CSGALNACT1: variants seen among roughly 807,000 people sequenced by gnomAD.
The protein encoded by CSGALNACT1 is beta4GalNAcT-1.
Under a neutral mutation model 51.0 loss-of-function variants are expected in CSGALNACT1, and 52 were observed. The observed-to-expected ratio is 1.02, with a 90% CI of 0.82 to 1.29. The LOEUF (loss-of-function observed/expected upper bound fraction) is 1.29, where lower values mean the gene tolerates loss of function less well. CSGALNACT1 is among the 50% of genes most tolerant of loss of function. The pLI is 0.00. For synonymous variants in CSGALNACT1, 341 were observed against 254.4 expected (o/e 1.34, Z -3.24); for missense variants, 935 against 679.2 (o/e 1.38, Z -4.19).
chr8:19,683,123 C>T (rs989441998), upstream of CSGALNACT1: 1 of 215,458 alleles, frequency 4.6e-6, no homozygotes. Flanking sequence ...AATGTCAGAT[C>T]AGGTGTTAGG....
At chr8:19,521,995 A>G (rs2080821468) in intron 3 of CSGALNACT1, among the ~76,000 whole-genome samples, 2 of 152,172 alleles carry the variant, frequency 1.3e-5, no homozygotes, top group South Asian at 2.1e-4. Flanking sequence ...CTAGCAGTCA[A>G]TGCAGTGGTT....
chr8:19,437,145 G>C (rs1423620241), intron 6 of CSGALNACT1, among the ~76,000 whole-genome samples: 7 of 152,030 alleles, frequency 4.6e-5, no homozygotes, highest in Non-Finnish European at 1.0e-4. Flanking sequence ...CAGATTTAGA[G>C]GTGCAGAAAG....
chr8:19,465,183 G>T (rs2066393760), intron 4 of CSGALNACT1, among the ~76,000 whole-genome samples: 1 of 152,162 alleles, frequency 6.6e-6, no homozygotes, highest in African/African-American at 2.4e-5. Context: ...TGGAAATTCG[G>T]ATACATGCTA....
intron 1 of CSGALNACT1, among the ~76,000 whole-genome samples, chr8:19,674,439 G>A (rs1016662509): frequency 1.3e-5 from 2 of 152,132 alleles, no homozygotes; most frequent in South Asian, 2.1e-4. Context: ...GGGGGAAGAC[G>A]GAAGAAGGAA....
At chr8:19,540,916 C>G (rs990415794) in intron 3 of CSGALNACT1, among the ~76,000 whole-genome samples, 1 of 152,156 alleles carries the variant, frequency 6.6e-6, no homozygotes, top group Admixed American at 6.6e-5. Context: ...TAGCACTCCT[C>G]CACTGAGCTA....
intron 1 of CSGALNACT1, among the ~76,000 whole-genome samples, chr8:19,735,609 T>A (rs988107829): frequency 2.6e-5 from 4 of 152,156 alleles, no homozygotes; most frequent in Admixed American, 1.3e-4. Flanking sequence ...TTTAAGTGTA[T>A]GGCAAAAGAC....
At chr8:19,602,214 C>T (rs1045767287) in exon 1 of CSGALNACT1, 3 of 197,984 alleles carry the variant, frequency 1.5e-5, no homozygotes, top group African/African-American at 7.2e-5. Flanking sequence ...ACTCGCAGCT[C>T]TGCTTCCAAT....
At chr8:19,607,957 G>C (rs2051630748) in intron 1 of CSGALNACT1, among the ~76,000 whole-genome samples, 1 of 151,980 alleles carries the variant, frequency 6.6e-6, no homozygotes. Flanking sequence ...TAGATGTTAA[G>C]ACTAGGGAAG....
intron 1 of CSGALNACT1, among the ~76,000 whole-genome samples, chr8:19,709,560 C>T (rs999335179): frequency 1.3e-5 from 2 of 152,128 alleles, no homozygotes; most frequent in Admixed American, 6.5e-5. Context: ...TGAAGTGGTT[C>T]CTACAGAGGG....
chr8:19,498,066 C>A (rs1408884943), intron 4 of CSGALNACT1, among the ~76,000 whole-genome samples: 1 of 152,202 alleles, frequency 6.6e-6, no homozygotes, highest in Non-Finnish European at 1.5e-5. Context: ...CATATGTCAT[C>A]AGAACCTCCT....
intron 5 of CSGALNACT1, among the ~76,000 whole-genome samples, chr8:19,455,072 G>C (rs1222085862): frequency 6.6e-6 from 1 of 152,198 alleles, no homozygotes; most frequent in Non-Finnish European, 1.5e-5. Context: ...ATTGCCCAAA[G>C]TGATGTTCAA....
intron 3 of CSGALNACT1, among the ~76,000 whole-genome samples, chr8:19,583,797 C>G (rs186498085): frequency 1.3e-5 from 2 of 152,242 alleles, no homozygotes; most frequent in Admixed American, 1.3e-4. Context: ...GAACTGCCAA[C>G]AAAAAAATAA....
At chr8:19,535,422 T>C (rs1563942065) in intron 3 of CSGALNACT1, among the ~76,000 whole-genome samples, 1 of 152,158 alleles carries the variant, frequency 6.6e-6, no homozygotes, top group African/African-American at 2.4e-5. Flanking sequence ...TTGATGACTA[T>C]TTTAAAAGGA....
At chr8:19,552,637 A>G (rs1192810188) in intron 3 of CSGALNACT1, among the ~76,000 whole-genome samples, 2 of 152,232 alleles carry the variant, frequency 1.3e-5, no homozygotes, top group Non-Finnish European at 2.9e-5. Flanking sequence ...CATTAAAAAC[A>G]TGACGACATT....
chr8:19,678,023 C>T (rs1054745594), intron 1 of CSGALNACT1, among the ~76,000 whole-genome samples: 1 of 152,006 alleles, frequency 6.6e-6, no homozygotes, highest in African/African-American at 2.4e-5. Context: ...GGCTGACATG[C>T]TTGAGCCCAG....
chr8:19,744,480 T>C (rs781745416), intron 1 of CSGALNACT1, among the ~76,000 whole-genome samples: 10 of 152,314 alleles, frequency 6.6e-5, no homozygotes, highest in Middle Eastern at 3.4e-3. Flanking sequence ...GCTAGGTAAT[T>C]AGTCCTCCTT....
chr8:19,668,403 T>C (rs781406206), intron 1 of CSGALNACT1, among the ~76,000 whole-genome samples: 1 of 152,172 alleles, frequency 6.6e-6, no homozygotes, highest in African/African-American at 2.4e-5. Context: ...GCCTTTGTTT[T>C]TGTAATTTTA....
At chr8:19,440,064 G>A (rs1642407783) in intron 5 of CSGALNACT1, 133 bp from the exon 5 acceptor site, 1 of 741,672 alleles carries the variant, frequency 1.3e-6, no homozygotes, top group Admixed American at 2.0e-5. Flanking sequence ...GCCGAGATGG[G>A]AATCCAGAAC....
At chr8:19,544,089 T>A (rs1447796225) in intron 3 of CSGALNACT1, among the ~76,000 whole-genome samples, 3 of 151,128 alleles carry the variant, frequency 2.0e-5, no homozygotes, top group Admixed American at 6.6e-5. Flanking sequence ...TTTTTTTTTT[T>A]AAACAAGTTG....
Sources: allele counts gnomAD v4.1 joint callset (sites outside exome capture counted in the v4.1 genomes callset), GRCh38; gene constraint gnomAD v4.1.1; transcripts MANE v1.5; gene names NCBI Gene and HGNC (gene_info 2026-07-23, HGNC 2026-07-21).